The following ASAP1 variants were observed in gnomAD, a reference collection of about 807,000 sequenced individuals.
The protein encoded by ASAP1 is ArfGAP with SH3 domain, ankyrin repeat and PH domain 1.
Under a neutral mutation model 145.2 loss-of-function variants are expected in ASAP1, and 43 were observed. The ratio of observed to expected loss-of-function variants is 0.30; its 90% confidence interval spans 0.23 to 0.38. The LOEUF is 0.38. ASAP1 is among the 10% of genes least tolerant of loss of function. The pLI is 1.00. For missense variants in ASAP1, 1,018 were observed against 1,355.3 expected (o/e 0.75, Z 3.91); for synonymous variants, 546 against 515.5 (o/e 1.06, Z -0.80).
intron 12 of ASAP1, among the ~76,000 whole-genome samples, chr8:130,156,350 A>G (rs1426901009): frequency 6.6e-6 from 1 of 152,230 alleles, no homozygotes; most frequent in Admixed American, 6.5e-5. Context: ...CTGTGCCATT[A>G]TTAGGAGGTG....
At chr8:130,426,846 T>C (rs1028878583) in intron 1 of ASAP1, among the ~76,000 whole-genome samples, 1 of 152,208 alleles carries the variant, frequency 6.6e-6, no homozygotes, top group Non-Finnish European at 1.5e-5. Flanking sequence ...TAAGGACTAT[T>C]TGTCGTCTCA....
At chr8:130,432,066 A>AAGGAGGAGGGGG (rs1343920404) in intron 1 of ASAP1, among the ~76,000 whole-genome samples, 73 of 94,282 alleles carry the variant, frequency 7.7e-4, no homozygotes, top group African/African-American at 3.0e-3. Context: ...GAGAGGAGGA[A>AAGGAGGAGGGGG]AGGAGGAGGG....
intron 24 of ASAP1, among the ~76,000 whole-genome samples, chr8:130,107,971 T>A (rs2097540460): frequency 6.6e-6 from 1 of 152,268 alleles, no homozygotes; most frequent in South Asian, 2.1e-4. Flanking sequence ...TGACACAGAC[T>A]GATCTGCCTT....
intron 4 of ASAP1, among the ~76,000 whole-genome samples, chr8:130,233,292 C>G (rs1028588157): frequency 2.6e-5 from 4 of 152,186 alleles, no homozygotes; most frequent in African/African-American, 9.7e-5. Flanking sequence ...TAGCTGGTCT[C>G]AGAGAGCTTC....
chr8:130,124,166 C>G (rs568695763), intron 17 of ASAP1, 62 bp from the exon 18 acceptor site: 2 of 1,172,810 alleles, frequency 1.7e-6, no homozygotes, highest in Non-Finnish European at 2.5e-6. Flanking sequence ...TTAAAAGTCT[C>G]CTATTATTTG....
Position 130,118,504 on chromosome 8 carries a change from C to T in ASAP1, c.1779G>A (p.Leu593=). The change falls in exon 19 of 30, where the codon CTG becomes CTA. Residue 593 remains leucine (L), a synonymous_variant. Coordinates refer to ENST00000518721, the MANE Select transcript of ASAP1 (RefSeq NM_018482.4). ...GAGGCCTTACCTGCCCAGGTTCCAGCAGTGGTTCCATTAGCTCTACCCCTT... is the reference window on the plus strand; with the variant it reads ...GAGGCCTTACCTGCCCAGGTTCCAGTAGTGGTTCCATTAGCTCTACCCCTT... The part of the protein sequence containing the change: ...YAEGVELMEP[L]LEPGQELGET... 1 of 1,609,494 alleles carries T rather than the reference C, an allele frequency of 6.2e-7. No individual in the cohort carries two copies.
intron 18 of ASAP1, among the ~76,000 whole-genome samples, chr8:130,122,283 T>C (rs1024167692): frequency 2.6e-5 from 4 of 152,222 alleles, no homozygotes; most frequent in Non-Finnish European, 5.9e-5. Flanking sequence ...AACTCTGTCT[T>C]GTTTGCTACT....
At chr8:130,344,370 T>TG (rs1200923875) in intron 3 of ASAP1, among the ~76,000 whole-genome samples, 1 of 152,192 alleles carries the variant, frequency 6.6e-6, no homozygotes, top group Non-Finnish European at 1.5e-5. Flanking sequence ...AAACATATTA[T>TG]GGTTCAGGTT....
chr8:130,336,447 A>C (rs2137856854), intron 3 of ASAP1, among the ~76,000 whole-genome samples: 1 of 152,380 alleles, frequency 6.6e-6, no homozygotes, highest in South Asian at 2.1e-4. Context: ...GGTGATTTGT[A>C]TGCACATTGA....
intron 4 of ASAP1, among the ~76,000 whole-genome samples, chr8:130,225,758 A>G (rs1359438805): frequency 6.6e-6 from 1 of 152,244 alleles, no homozygotes; most frequent in Non-Finnish European, 1.5e-5. Context: ...TACAGGCACC[A>G]TAAAGTACTC....
Position 130,233,935 on chromosome 8 carries a change from T to C in ASAP1, c.259+2987A>G, listed in dbSNP as rs114575981. Among the ~76,000 whole-genome samples the C allele has an allele frequency of 4.1e-3, 632 of 152,306 alleles. 3 individuals carry two copies. The highest frequency in any genetic ancestry group is 0.015 in the African/African-American group (614 of 41,572). On this transcript the variant is annotated intron_variant, in intron 4 of 29. Coordinates refer to ENST00000518721, the MANE Select transcript of ASAP1 (RefSeq NM_018482.4). The stretch of plus-strand genomic sequence containing the variant: ...AAAACTCATAGGCCAGTGCAACAGT[T>C]CTTAATTTTGGCTGCAAGTTAGAAT...
chr8:130,075,956 T>C (rs2097461386), intron 27 of ASAP1, among the ~76,000 whole-genome samples: 1 of 152,210 alleles, frequency 6.6e-6, no homozygotes, highest in African/African-American at 2.4e-5. Context: ...ATTTTCCCCA[T>C]TTTACAGATG....
intron 3 of ASAP1, among the ~76,000 whole-genome samples, chr8:130,315,330 A>G (rs1038251476): frequency 6.6e-6 from 1 of 152,214 alleles, no homozygotes; most frequent in Non-Finnish European, 1.5e-5. Context: ...ATCATATAAC[A>G]TAATGATCAT....
At chr8:130,072,825 G>GTGAGTGTGCGCGCGCGCGCGCA in intron 27 of ASAP1, among the ~76,000 whole-genome samples, 1 of 54,116 alleles carries the variant, frequency 1.8e-5, no homozygotes, top group Non-Finnish European at 3.6e-5. Context: ...GTGTGTGTGT[G>GTGAGTGTGCGCGCGCGCGCGCA]CGCGCGGGGG....
rs143129249 is a variant in ASAP1, at chr8:130,194,298, T to A, written c.406-6115A>T. On this transcript the variant is annotated intron_variant, in intron 5 of 29. Transcript: ENST00000518721. ...AAGTGAATAGTAATTACCTTTGTCA[T>A]TATAAAGGCACAAAGAAAGGTTAAA... 5.9e-3 allele frequency among the ~76,000 whole-genome samples: 890 copies of A among 152,064 alleles called. 8 individuals are homozygous for A. Among genetic ancestry groups the A allele is most frequent in the Middle Eastern group, 0.01 (3 of 294 alleles).
At chr8:130,346,330 T>C (rs1825701454) in intron 3 of ASAP1, among the ~76,000 whole-genome samples, 1 of 152,216 alleles carries the variant, frequency 6.6e-6, no homozygotes, top group Non-Finnish European at 1.5e-5. Flanking sequence ...TCCATGGCCA[T>C]CCGGTTGGTA....
chr8:130,290,414 G>C (rs1821876012), intron 3 of ASAP1, among the ~76,000 whole-genome samples: 2 of 152,148 alleles, frequency 1.3e-5, no homozygotes, highest in African/African-American at 4.8e-5. Context: ...TTCTAACTTG[G>C]GATGCCCAGA....
At chr8:130,261,498 G>A (rs1486727476) in intron 3 of ASAP1, among the ~76,000 whole-genome samples, 1 of 152,192 alleles carries the variant, frequency 6.6e-6, no homozygotes, top group East Asian at 1.9e-4. Flanking sequence ...GAAAATACGG[G>A]AATGGGGTGA....
At chr8:130,439,892 A>G (rs1396265468) in intron 1 of ASAP1, among the ~76,000 whole-genome samples, 2 of 152,186 alleles carry the variant, frequency 1.3e-5, no homozygotes, top group South Asian at 4.1e-4. Context: ...AAATCTCCAC[A>G]GGATGCCTCC....
Sources: gnomAD v4.1 joint callset for allele counts (sites outside exome capture counted in the v4.1 genomes callset) on GRCh38, gnomAD v4.1.1 for gene constraint, MANE v1.5 for transcripts, NCBI Gene and HGNC (gene_info 2026-07-23, HGNC 2026-07-21) for gene names.